Variants in LRRC7 observed in about 807,000 individuals in gnomAD.
LRRC7 encodes the protein leucine-rich repeat-containing protein 7.
In LRRC7, 23 loss-of-function variants were observed where a neutral mutation model predicts 175.7. That is an observed-to-expected ratio of 0.13 (90% CI 0.09 to 0.19). LRRC7 has a LOEUF of 0.19. Among genes scored for constraint, LRRC7 ranks in the 10% least tolerant of loss-of-function variants. The pLI is 1.00. For missense variants in LRRC7, 1,354 were observed against 1,904.7 expected (o/e 0.71, Z 5.38); for synonymous variants, 685 against 680.9 (o/e 1.01, Z -0.09).
intron 8 of LRRC7, among the ~76,000 whole-genome samples, chr1:69,961,873 A>G (rs1651124711): frequency 1.3e-5 from 2 of 152,204 alleles, no homozygotes; most frequent in Non-Finnish European, 2.9e-5. Context: ...ACCCAAAACC[A>G]TTAAAACCCT....
intron 8 of LRRC7, among the ~76,000 whole-genome samples, chr1:69,940,542 T>C (rs1648603723): frequency 6.6e-6 from 1 of 152,026 alleles, no homozygotes; most frequent in Non-Finnish European, 1.5e-5. Context: ...GTAAATTAAT[T>C]AAAAGCTCCC....
intron 7 of LRRC7, among the ~76,000 whole-genome samples, chr1:69,877,058 C>A (rs912752955): frequency 2.3e-4 from 35 of 152,142 alleles, no homozygotes; most frequent in Admixed American, 8.5e-4. Flanking sequence ...GAGAAAACCC[C>A]ATGTTACAAG....
intron 23 of LRRC7, among the ~76,000 whole-genome samples, chr1:70,071,409 G>A (rs893808341): frequency 6.6e-5 from 10 of 152,022 alleles, no homozygotes; most frequent in Admixed American, 5.9e-4. Context: ...GGAAGAAATA[G>A]GGCAAAATAC....
chr1:70,042,289 C>A (rs775241881), intron 21 of LRRC7, among the ~76,000 whole-genome samples: 2 of 152,218 alleles, frequency 1.3e-5, no homozygotes, highest in Non-Finnish European at 2.9e-5. Flanking sequence ...CCAGTTTCGA[C>A]ATAGCTGTGC....
chr1:69,708,501 C>T (rs1664315216), intron 2 of LRRC7, among the ~76,000 whole-genome samples: 1 of 152,172 alleles, frequency 6.6e-6, no homozygotes, highest in South Asian at 2.1e-4. Context: ...TAAACTGTTA[C>T]CACCTCATTG....
chr1:69,973,639 G>A (rs926202189), intron 8 of LRRC7, among the ~76,000 whole-genome samples: 2 of 152,174 alleles, frequency 1.3e-5, no homozygotes, highest in African/African-American at 4.8e-5. Context: ...CTGTTGCCCA[G>A]GCTGGAGTGC....
intron 2 of LRRC7, among the ~76,000 whole-genome samples, chr1:69,722,575 T>A (rs886890935): frequency 6.6e-6 from 1 of 152,046 alleles, no homozygotes; most frequent in Non-Finnish European, 1.5e-5. Flanking sequence ...TGGTTTACAT[T>A]TCCACAGGAT....
At chr1:70,020,453 G>T (rs367884015) in intron 15 of LRRC7, among the ~76,000 whole-genome samples, 2 of 151,966 alleles carry the variant, frequency 1.3e-5, no homozygotes, top group East Asian at 3.8e-4. Flanking sequence ...AAAGGAAAAG[G>T]TTGCAATCTT....
chr1:70,019,359 A>G (rs1171257640), intron 15 of LRRC7, among the ~76,000 whole-genome samples: 1 of 151,980 alleles, frequency 6.6e-6, no homozygotes, highest in East Asian at 1.9e-4. Flanking sequence ...TTTTTCAATA[A>G]TTAAATCTTC....
intron 24 of LRRC7, among the ~76,000 whole-genome samples, chr1:70,084,345 C>A (rs1351057054): frequency 6.6e-6 from 1 of 152,168 alleles, no homozygotes; most frequent in Non-Finnish European, 1.5e-5. Flanking sequence ...CCTAGACAAC[C>A]ACTCATCTAC....
At chr1:69,871,308 C>A (rs1685506047) in intron 7 of LRRC7, among the ~76,000 whole-genome samples, 1 of 151,952 alleles carries the variant, frequency 6.6e-6, no homozygotes, top group South Asian at 2.1e-4. Flanking sequence ...TATTACTGTT[C>A]TGTTAGACAA....
rs189308023 is a variant in LRRC7, at chr1:70,078,809, C to T, written c.4452+2511C>T. 2.4e-4 allele frequency among the ~76,000 whole-genome samples: 26 copies of T among 106,468 alleles called. 1 individual carries two copies. Among genetic ancestry groups the T allele is most frequent in the South Asian group, 3.6e-4 (1 of 2,770 alleles). 69.8% of individuals were successfully genotyped at this position (106,468 alleles called of 152,430 possible). On this transcript the variant is annotated intron_variant, in intron 24 of 26. Transcript: ENST00000651989. Reference sequence around the variant, plus strand: ...CTACATATACGCGCGCGCGCGCGCGCGCACACACACACACGCACACACACA... The same window carrying T: ...CTACATATACGCGCGCGCGCGCGCGTGCACACACACACACGCACACACACA...
At chr1:70,060,050 C>A (rs1228575300) in intron 23 of LRRC7, among the ~76,000 whole-genome samples, 6 of 151,986 alleles carry the variant, frequency 3.9e-5, no homozygotes, top group Non-Finnish European at 7.4e-5. Flanking sequence ...GTGGCTCACA[C>A]CTGTATTCCC....
intron 1 of LRRC7, among the ~76,000 whole-genome samples, chr1:69,676,340 A>G (rs1659769751): frequency 2.6e-5 from 4 of 152,070 alleles, no homozygotes; most frequent in Admixed American, 2.6e-4. Flanking sequence ...TATGCATGCT[A>G]TCAACCAGGA....
chr1:70,008,754 G>A (rs915697973), intron 11 of LRRC7, among the ~76,000 whole-genome samples: 6 of 152,094 alleles, frequency 3.9e-5, no homozygotes, highest in African/African-American at 7.2e-5. Context: ...AAATTATTTG[G>A]TCTATAGTAT....
intron 25 of LRRC7, among the ~76,000 whole-genome samples, chr1:70,101,353 C>G (rs1278666210): frequency 6.6e-6 from 1 of 152,138 alleles, no homozygotes; most frequent in Admixed American, 6.6e-5. Context: ...TCAGCATCAG[C>G]TAGAGCCAAG....
Position 70,123,917 on chromosome 1 carries a change from G to T in LRRC7, c.*2030G>T, listed in dbSNP as rs74438985. Among the ~76,000 whole-genome samples the T allele has an allele frequency of 0.02, 3,027 of 152,186 alleles. 117 individuals carry two copies. Among genetic ancestry groups the T allele is most frequent in the African/African-American group, 0.07 (2,919 of 41,510 alleles). ...ATCAGTTTTTCTTAATCTTTTATGG[G>T]AGAAGTGGGAGAAGAGCCAGATATA... On this transcript the variant is annotated 3_prime_UTR_variant, in exon 27 of 27. Transcript: ENST00000651989.
At chr1:69,924,772 C>G (rs961606990) in intron 7 of LRRC7, among the ~76,000 whole-genome samples, 1 of 152,266 alleles carries the variant, frequency 6.6e-6, no homozygotes, top group African/African-American at 2.4e-5. Context: ...TCCTCTTTTC[C>G]TAATTGGATA....
At chr1:69,873,487 G>C (rs1378054365) in intron 7 of LRRC7, 2 of 532,970 alleles carry the variant, frequency 3.8e-6, no homozygotes, top group Admixed American at 1.9e-5. Flanking sequence ...TCCAGAGTGT[G>C]CCCCTTGCCC....
Sources: gnomAD v4.1 joint callset for allele counts (sites outside exome capture counted in the v4.1 genomes callset) on GRCh38, gnomAD v4.1.1 for gene constraint, MANE v1.5 for transcripts, NCBI Gene and HGNC (gene_info 2026-07-23, HGNC 2026-07-21) for gene names.